KLRF1: variants seen among roughly 807,000 people sequenced by gnomAD.
KLRF1 encodes killer cell lectin-like receptor subfamily F member 1.
In KLRF1, 27 loss-of-function variants were observed where a neutral mutation model predicts 30.7. The ratio of observed to expected loss-of-function variants is 0.88; its 90% CI spans 0.65 to 1.21. KLRF1 has a LOEUF of 1.21. Among genes scored for constraint, KLRF1 ranks in the 50% most tolerant of loss-of-function variants. The probability of loss-of-function intolerance (pLI) is 0.00; values close to 1 mark genes in which losing one functional copy is unlikely to be tolerated. For synonymous variants in KLRF1, 92 were observed against 89.3 expected (o/e 1.03, Z -0.17); for missense variants, 246 against 259.3 (o/e 0.95, Z 0.35).
chr12:9,841,958 G>C lies in KLRF1; in HGVS notation c.474+7G>C, dbSNP rs1867712715. On this transcript the variant is annotated splice_region_variant and intron_variant, in intron 4 of 5. Transcript: ENST00000617889. ...ACATGACCAACTTGAAATGGTAATT[G>C]GTCTAGTATCAGGGTTATGGCATCT... 3 of 1,608,226 alleles carry C rather than the reference G, an allele frequency of 1.9e-6. No individual in the cohort carries two copies. Among genetic ancestry groups the C allele is most frequent in the Admixed American group, 1.7e-5 (1 of 59,086 alleles).
At chr12:9,800,685 C>T in the KLRF1 span, among the ~76,000 whole-genome samples, 1 of 151,820 alleles carries the variant, frequency 6.6e-6, no homozygotes, top group Admixed American at 6.6e-5. Context: ...CTGTTCAGAT[C>T]TTTGGCCCAT....
chr12:9,830,844 G>A (rs868578091), intron 1 of KLRF1, among the ~76,000 whole-genome samples: 1 of 151,888 alleles, frequency 6.6e-6, no homozygotes, highest in Admixed American at 6.6e-5. Flanking sequence ...GTGGTTAAAA[G>A]GCTTGTGTTT....
At chr12:9,824,909 C>T (rs1867263479), upstream of KLRF1, among the ~76,000 whole-genome samples, 4 of 152,034 alleles carry the variant, frequency 2.6e-5, no homozygotes, top group Admixed American at 2.6e-4. Flanking sequence ...ATACAGTCAA[C>T]CAGGGAGGTG....
At chr12:9,825,964 G>T (rs1031273611), upstream of KLRF1, among the ~76,000 whole-genome samples, 2 of 151,964 alleles carry the variant, frequency 1.3e-5, no homozygotes, top group African/African-American at 4.8e-5. Context: ...ATAAATTAAA[G>T]AACAAAATTT....
chr12:9,844,675 G>A lies in KLRF1; in HGVS notation c.*149G>A. 1 of 538,004 alleles carries A rather than the reference G, an allele frequency of 1.9e-6. No individual in the cohort carries two copies. The highest frequency in any genetic ancestry group is 2.2e-5 in the South Asian group (1 of 44,742). The allele number at this position is 538,004 out of a possible 1,614,324, so 33.3% of individuals were successfully genotyped here. ...TCCCTCCATCATCGACACTGGTCTAGCCTCAGAGTAACCCCTGTTAACAAA... is the reference window on the plus strand; with the variant it reads ...TCCCTCCATCATCGACACTGGTCTAACCTCAGAGTAACCCCTGTTAACAAA... On this transcript the variant is annotated 3_prime_UTR_variant, in exon 6 of 6. Coordinates refer to ENST00000617889, the MANE Select transcript of KLRF1 (RefSeq NM_016523.3).
intron 3 of KLRF1, among the ~76,000 whole-genome samples, chr12:9,834,392 T>C (rs1867522682): frequency 6.6e-6 from 1 of 151,762 alleles, no homozygotes; most frequent in Non-Finnish European, 1.5e-5. Flanking sequence ...ATTGAAGTGT[T>C]GGGGCAGCGA....
At chr12:9,808,000 T>C in the KLRF1 span, among the ~76,000 whole-genome samples, 1 of 152,158 alleles carries the variant, frequency 6.6e-6, no homozygotes, top group African/African-American at 2.4e-5. Context: ...AATTTCTTAT[T>C]AGGAACTGGA....
upstream of KLRF1, among the ~76,000 whole-genome samples, chr12:9,822,932 A>G (rs1867243667): frequency 1.3e-5 from 2 of 152,226 alleles, no homozygotes; most frequent in African/African-American, 4.8e-5. Flanking sequence ...TCCCAAATAT[A>G]TATGTACCTA....
intron 1 of KLRF1, among the ~76,000 whole-genome samples, chr12:9,828,749 TC>T (rs1867341320): frequency 6.6e-6 from 1 of 152,172 alleles, no homozygotes; most frequent in Non-Finnish European, 1.5e-5. Flanking sequence ...TATTGCCTCT[TC>T]CATGTGAATT....
the KLRF1 span, among the ~76,000 whole-genome samples, chr12:9,813,214 A>G: frequency 3.3e-5 from 5 of 151,982 alleles, no homozygotes; most frequent in African/African-American, 1.2e-4. Context: ...GGTTAGTTAC[A>G]TATGTATACA....
chr12:9,812,872 T>A, the KLRF1 span, among the ~76,000 whole-genome samples: 1 of 152,228 alleles, frequency 6.6e-6, no homozygotes, highest in East Asian at 1.9e-4. Flanking sequence ...TTTAATGCAG[T>A]TTGACCGTAT....
At position 9,834,229 on chromosome 12, in the gene KLRF1, A is replaced by G. The variant is rs7972557; in HGVS notation, c.334+777A>G. ...AATGTCATCAGTTAAGACAGGAACAAGCCATTTTCACTTCTTTTGTGATTC... is the reference window on the plus strand; with the variant it reads ...AATGTCATCAGTTAAGACAGGAACAGGCCATTTTCACTTCTTTTGTGATTC... On this transcript the variant is annotated intron_variant, in intron 3 of 5. Coordinates refer to ENST00000617889, the MANE Select transcript of KLRF1 (RefSeq NM_016523.3). Among the ~76,000 whole-genome samples, 1,096 of 152,124 alleles carry G rather than the reference A, an allele frequency of 7.2e-3. 19 individuals carry two copies. The highest frequency in any genetic ancestry group is 0.023 in the African/African-American group (969 of 41,508).
At chr12:9,820,568 C>T in the KLRF1 span, among the ~76,000 whole-genome samples, 1 of 152,138 alleles carries the variant, frequency 6.6e-6, no homozygotes, top group East Asian at 1.9e-4. Flanking sequence ...ATCTGGCCCT[C>T]AGCACAGAGC....
chr12:9,841,176 C>A (rs1370260391), intron 3 of KLRF1, among the ~76,000 whole-genome samples: 2 of 152,066 alleles, frequency 1.3e-5, no homozygotes, highest in African/African-American at 4.8e-5. Flanking sequence ...ATGGATGGAG[C>A]TGGAGGCTAT....
chr12:9,835,525 CA>C (rs1423785112), intron 3 of KLRF1, among the ~76,000 whole-genome samples: 2 of 151,964 alleles, frequency 1.3e-5, no homozygotes, highest in African/African-American at 4.8e-5. Flanking sequence ...GTCTGATGAG[CA>C]AGGGGAAGGT....
intron 3 of KLRF1, among the ~76,000 whole-genome samples, chr12:9,841,522 T>G (rs545404734): frequency 2.0e-5 from 3 of 152,238 alleles, no homozygotes; most frequent in Non-Finnish European, 4.4e-5. Context: ...TTATCTAATC[T>G]CTCAAATAGC....
In KLRF1 at chr12:9,842,319, A is replaced by G. The variant is rs1413908264; in HGVS notation, c.475-2A>G. The G allele has an allele frequency of 1.7e-5, 28 of 1,610,246 alleles. No homozygotes were observed. Among genetic ancestry groups the G allele is most frequent in the Non-Finnish European group, 2.4e-5 (28 of 1,178,088 alleles). Reference sequence around the variant, plus strand: ...TCATTTAGTCCCTCGTCCACATTTTAGGCTTTTATACAGAAAAACCTAAGA... The same window carrying G: ...TCATTTAGTCCCTCGTCCACATTTTGGGCTTTTATACAGAAAAACCTAAGA... On this transcript the variant is annotated splice_acceptor_variant, in intron 4 of 5. Coordinates refer to ENST00000617889, the MANE Select transcript of KLRF1 (RefSeq NM_016523.3). LOFTEE classifies it high-confidence loss of function.
At chr12:9,842,193 AG>A (rs1867717440) in intron 4 of KLRF1, 127 bp from the exon 5 acceptor site, 1 of 956,068 alleles carries the variant, frequency 1.0e-6, no homozygotes. Context: ...TGTGTGTATA[AG>A]TAAGATATGA....
At chr12:9,820,036 C>A in the KLRF1 span, among the ~76,000 whole-genome samples, 3 of 152,114 alleles carry the variant, frequency 2.0e-5, no homozygotes, top group African/African-American at 7.2e-5. Flanking sequence ...CTCAACACAG[C>A]ACAGCTGCTT....
Sources: gnomAD v4.1 joint callset for allele counts (sites outside exome capture counted in the v4.1 genomes callset) on GRCh38, gnomAD v4.1.1 for gene constraint, MANE v1.5 for transcripts, NCBI Gene and HGNC (gene_info 2026-07-23, HGNC 2026-07-21) for gene names.